Variants in ANO4 observed in about 807,000 individuals in gnomAD.
ANO4 encodes anoctamin-4.
ANO4 carries 69 observed loss-of-function variants against 141.9 expected under a neutral mutation model. The ratio of observed to expected loss-of-function variants is 0.49; its 90% CI spans 0.40 to 0.59. ANO4 has a LOEUF of 0.59. Ranked by LOEUF, ANO4 falls within the 20% of genes least tolerant of loss-of-function variation. The probability of loss-of-function intolerance (pLI) is 0.00; values close to 1 mark genes in which losing one functional copy is unlikely to be tolerated. For synonymous variants in ANO4, 350 were observed against 394.3 expected (o/e 0.89, Z 1.33); for missense variants, 894 against 1,162.2 (o/e 0.77, Z 3.36).
rs1455634476 is a variant in ANO4 at position 100,988,882 on chromosome 12, AAAAAAAG to A, written c.734+1216_734+1222del. Among the ~76,000 whole-genome samples the A allele has an allele frequency of 4.6e-4, 58 of 125,104 alleles. 2 individuals are homozygous for A. The highest frequency in any genetic ancestry group is 1.4e-3 in the African/African-American group (52 of 36,904). The allele number at this position is 125,104 out of a possible 152,430, so 82.1% of individuals were successfully genotyped here. A position where few individuals can be genotyped will look rare whatever the true frequency, so the allele number is the denominator to read the frequency against. ...TGAGACTCTGTCTCAGAAAAAAAAA[AAAAAAAG>A]AAAGAAAAACAAAAAACGAAGGTAA... On this transcript the variant is annotated intron_variant, in intron 8 of 27. Coordinates refer to ENST00000392977, the MANE Select transcript of ANO4 (RefSeq NM_001286615.2).
At chr12:100,728,216 T>G (rs17030479) in intron 1 of ANO4, among the ~76,000 whole-genome samples, 13,749 of 152,256 alleles carry the variant, frequency 0.09, 756 homozygotes, top group East Asian at 0.22. Context: ...ATAGTTTAAT[T>G]GTTGAGATGG....
intron 23 of ANO4, 103 bp downstream of exon 23, chr12:101,110,659 A>C: frequency 9.4e-7 from 1 of 1,061,382 alleles, no homozygotes; most frequent in Non-Finnish European, 1.3e-6. Context: ...TTTCCATTTA[A>C]TATAATTCAC....
intron 1 of ANO4, among the ~76,000 whole-genome samples, chr12:100,798,569 C>A (rs945339789): frequency 1.3e-5 from 2 of 152,108 alleles, no homozygotes; most frequent in Non-Finnish European, 2.9e-5. Context: ...TTTACTAGAT[C>A]AGTTTTGCAG....
At chr12:100,854,397 C>T (rs572763469) in intron 1 of ANO4, among the ~76,000 whole-genome samples, 2 of 152,180 alleles carry the variant, frequency 1.3e-5, no homozygotes, top group South Asian at 4.2e-4. Flanking sequence ...ACTAGAGACC[C>T]GTGTTTTCCT....
rs2136917757 is a variant in ANO4 at position 101,089,755 on chromosome 12, A to C, written c.1701+2931A>C. On this transcript the variant is annotated intron_variant, in intron 17 of 27. Coordinates refer to ENST00000392977, the MANE Select transcript of ANO4 (RefSeq NM_001286615.2). Reference sequence around the variant, plus strand: ...AGCCAAAATTGACAAATGGGATCTAATTAAACTGAAGAGCTTCTGCACAGC... The same window carrying C: ...AGCCAAAATTGACAAATGGGATCTACTTAAACTGAAGAGCTTCTGCACAGC... Among the ~76,000 whole-genome samples, 3 of 152,324 alleles carry C rather than the reference A, an allele frequency of 2.0e-5. No individual in the cohort carries two copies. In the Middle Eastern group the frequency reaches 0.01, roughly 518 times the overall value.
chr12:100,789,713 A>G (rs555058418), intron 3 of ANO4, among the ~76,000 whole-genome samples: 9 of 152,290 alleles, frequency 5.9e-5, no homozygotes, highest in African/African-American at 1.9e-4. Flanking sequence ...AGGAGGAGAT[A>G]TATATGGTTC....
chr12:101,038,965 A>G (rs1488994366), intron 10 of ANO4: 1 of 152,174 alleles, frequency 6.6e-6, no homozygotes, highest in Non-Finnish European at 1.5e-5. Flanking sequence ...AATATGAATA[A>G]TTAGCTTGCC....
At chr12:100,729,084 A>G (rs1330686500) in intron 1 of ANO4, among the ~76,000 whole-genome samples, 1 of 152,150 alleles carries the variant, frequency 6.6e-6, no homozygotes, top group Admixed American at 6.6e-5. Context: ...GTAATAAACA[A>G]TATAATTCAG....
intron 2 of ANO4, among the ~76,000 whole-genome samples, chr12:100,907,222 A>G (rs2040887020): frequency 6.6e-6 from 1 of 152,104 alleles, no homozygotes; most frequent in Non-Finnish European, 1.5e-5. Context: ...GTCATTATCC[A>G]TGTTATTCAG....
upstream of ANO4, among the ~76,000 whole-genome samples, chr12:100,791,154 G>A (rs891546909): frequency 3.9e-5 from 6 of 152,106 alleles, no homozygotes; most frequent in Non-Finnish European, 5.9e-5. Flanking sequence ...TGAGGCAGGC[G>A]GATTGCCTGA....
chr12:101,103,734 T>C (rs1377187032), intron 22 of ANO4, among the ~76,000 whole-genome samples: 1 of 151,882 alleles, frequency 6.6e-6, no homozygotes, highest in African/African-American at 2.4e-5. Flanking sequence ...TTGGGTATCA[T>C]TTTTATGATA....
chr12:101,104,672 AAT>A (rs72319196), intron 22 of ANO4, among the ~76,000 whole-genome samples: 8,542 of 43,606 alleles, frequency 0.2, 411 homozygotes, highest in South Asian at 0.28. Flanking sequence ...TATATATATA[AAT>A]AAAAAGATTT....
At chr12:100,853,452 C>T (rs188120981) in intron 1 of ANO4, among the ~76,000 whole-genome samples, 1 of 152,188 alleles carries the variant, frequency 6.6e-6, no homozygotes, top group Admixed American at 6.5e-5. Context: ...TCTACAATTA[C>T]TTAGTAATAT....
chr12:100,827,041 G>A (rs994020857), intron 1 of ANO4, among the ~76,000 whole-genome samples: 13 of 152,132 alleles, frequency 8.5e-5, no homozygotes, highest in Middle Eastern at 3.4e-3. Context: ...TTTAAAGCCT[G>A]TTCTCTATAT....
chr12:100,857,028 A>G (rs2038209016), intron 1 of ANO4, among the ~76,000 whole-genome samples: 1 of 151,960 alleles, frequency 6.6e-6, no homozygotes, highest in African/African-American at 2.4e-5. Flanking sequence ...AAGATTTAAG[A>G]TGGTAGTGGT....
intron 5 of ANO4, among the ~76,000 whole-genome samples, chr12:100,958,957 A>G (rs1402127041): frequency 6.6e-6 from 1 of 152,186 alleles, no homozygotes; most frequent in African/African-American, 2.4e-5. Flanking sequence ...GTCATTTTAA[A>G]TAGGGTGTTG....
chr12:100,798,335 A>G (rs1050286144), intron 1 of ANO4, among the ~76,000 whole-genome samples: 2 of 152,162 alleles, frequency 1.3e-5, no homozygotes, highest in Non-Finnish European at 2.9e-5. Context: ...GAGTACAAAG[A>G]GTTATGTGCG....
chr12:100,793,716 T>C (rs142185443), upstream of ANO4, among the ~76,000 whole-genome samples: 482 of 152,370 alleles, frequency 3.2e-3, 1 homozygote, highest in African/African-American at 0.011. Context: ...GAAGTTTTAC[T>C]GTGGAGTCCA....
chr12:101,096,436 ACTCCT>A lies in ANO4; in HGVS notation c.1739-99_1739-95del, dbSNP rs1305402211. 1.3e-4 allele frequency: 115 copies of A among 896,488 alleles called. 1 individual carries two copies. The highest frequency in any genetic ancestry group is 9.0e-6 in the Non-Finnish European group (5 of 558,424). The allele number at this position is 896,488 out of a possible 1,614,324, so 55.5% of individuals were successfully genotyped here. Reference sequence around the variant, plus strand: ...TGGAGTCTCCTGCAGCCTCCTCAGGACTCCTGCGTCCCCACCCTGTGTGTGTGGGG... The same window carrying A: ...TGGAGTCTCCTGCAGCCTCCTCAGGAGCGTCCCCACCCTGTGTGTGTGGGG... On this transcript the variant is annotated intron_variant, in intron 18 of 27. Coordinates refer to ENST00000392977, the MANE Select transcript of ANO4 (RefSeq NM_001286615.2).
Sources: gnomAD v4.1 joint callset for allele counts (sites outside exome capture counted in the v4.1 genomes callset) on GRCh38, gnomAD v4.1.1 for gene constraint, MANE v1.5 for transcripts, NCBI Gene and HGNC (gene_info 2026-07-23, HGNC 2026-07-21) for gene names.